The following BAZ2B variants were observed in gnomAD, a reference collection of about 807,000 sequenced individuals.
The protein encoded by BAZ2B is bromodomain adjacent to zinc finger domain protein 2B.
A neutral mutation model predicts 246.0 loss-of-function variants in BAZ2B; 91 were observed. The ratio of observed to expected loss-of-function variants is 0.37; its 90% CI spans 0.31 to 0.44. The LOEUF (loss-of-function observed/expected upper bound fraction) is 0.44, where lower values mean the gene tolerates loss of function less well. Ranked by LOEUF, BAZ2B falls within the 20% of genes least tolerant of loss-of-function variation. BAZ2B has a pLI of 1.00. For synonymous variants in BAZ2B, 855 were observed against 860.0 expected, an observed-to-expected ratio of 0.99 and a Z score of 0.10; for missense variants, 2,332 against 2,533.7, an observed-to-expected ratio of 0.92 and a Z score of 1.71.
intron 2 of BAZ2B, among the ~76,000 whole-genome samples, chr2:159,502,296 T>C (rs575969939): frequency 1.3e-5 from 2 of 150,976 alleles, no homozygotes; most frequent in South Asian, 4.2e-4. Context: ...AATGGACAAA[T>C]TGTATGATAT....
intron 13 of BAZ2B, among the ~76,000 whole-genome samples, chr2:159,427,184 T>TC (rs1367621913): frequency 6.6e-6 from 1 of 152,162 alleles, no homozygotes; most frequent in African/African-American, 2.4e-5. Flanking sequence ...CTAGGTCTCA[T>TC]CACTCCTTAA....
chr2:159,508,135 T>G (rs1474927061), intron 2 of BAZ2B, among the ~76,000 whole-genome samples: 1 of 152,228 alleles, frequency 6.6e-6, no homozygotes, highest in African/African-American at 2.4e-5. Flanking sequence ...CCTCCCAAAG[T>G]GTTGTGATCA....
chr2:159,582,362 G>A (rs897029382), intron 1 of BAZ2B, among the ~76,000 whole-genome samples: 4 of 152,172 alleles, frequency 2.6e-5, no homozygotes, highest in African/African-American at 9.7e-5. Flanking sequence ...ATATCGCTTT[G>A]TAATACAAAT....
intron 14 of BAZ2B, among the ~76,000 whole-genome samples, chr2:159,411,280 T>A (rs2066797871): frequency 6.6e-6 from 1 of 152,176 alleles, no homozygotes; most frequent in African/African-American, 2.4e-5. Context: ...CACCTTGGCA[T>A]CCCAAAGCAT....
chr2:159,515,908 A>C (rs2083392265), intron 2 of BAZ2B, among the ~76,000 whole-genome samples: 1 of 152,082 alleles, frequency 6.6e-6, no homozygotes, highest in Non-Finnish European at 1.5e-5. Context: ...GTTTATCCAA[A>C]GTCTCTGAAA....
chr2:159,508,401 G>A (rs2082558705), intron 2 of BAZ2B, among the ~76,000 whole-genome samples: 1 of 152,022 alleles, frequency 6.6e-6, no homozygotes, highest in Non-Finnish European at 1.5e-5. Flanking sequence ...TTTGTATTCG[G>A]TAAGTTATTC....
In BAZ2B at chr2:159,590,754, G is replaced by A. The variant is rs927521693; in HGVS notation, c.-46+25488C>T. Among the ~76,000 whole-genome samples the A allele has an allele frequency of 3.9e-5, 6 of 152,136 alleles. 1 individual carries two copies. The South Asian group carries it at 8.3e-4, about 21-fold the overall frequency. Reference sequence around the variant, plus strand: ...TAATTGCAAAGATGGGGGTGGGCACGGTAGAATGGAAAGAAGCAAATTTTT... The same window carrying A: ...TAATTGCAAAGATGGGGGTGGGCACAGTAGAATGGAAAGAAGCAAATTTTT... On this transcript the variant is annotated intron_variant, in intron 1 of 36. Coordinates refer to ENST00000392783, the MANE Select transcript of BAZ2B (RefSeq NM_013450.4).
At chr2:159,418,411 T>C (rs543492959) in intron 13 of BAZ2B, among the ~76,000 whole-genome samples, 2 of 152,302 alleles carry the variant, frequency 1.3e-5, no homozygotes, top group African/African-American at 2.4e-5. Flanking sequence ...CCTTATCTTA[T>C]AGACAGTAAA....
the BAZ2B span, among the ~76,000 whole-genome samples, chr2:159,644,864 C>T: frequency 6.6e-6 from 1 of 152,204 alleles, no homozygotes; most frequent in Non-Finnish European, 1.5e-5. Context: ...AGAATTTTCC[C>T]AATCTCCATC....
chr2:159,516,799 G>A (rs756677127), intron 2 of BAZ2B: 1 of 152,138 alleles, frequency 6.6e-6, no homozygotes. Context: ...ATAAAGAGAA[G>A]AGGTCTTTCT....
chr2:159,467,597 G>A (rs909623551), intron 3 of BAZ2B, among the ~76,000 whole-genome samples: 7 of 152,174 alleles, frequency 4.6e-5, no homozygotes, highest in Admixed American at 2.0e-4. Flanking sequence ...ATTTGGATTG[G>A]CTAGGCTGGG....
At chr2:159,669,146 T>C in the BAZ2B span, among the ~76,000 whole-genome samples, 1 of 152,204 alleles carries the variant, frequency 6.6e-6, no homozygotes, top group African/African-American at 2.4e-5. Flanking sequence ...TTTTGATCTG[T>C]TGTATTTTCA....
chr2:159,708,478 T>G, the BAZ2B span, among the ~76,000 whole-genome samples: 10 of 152,084 alleles, frequency 6.6e-5, no homozygotes, highest in Non-Finnish European at 1.3e-4. Context: ...GCCTGTAAGC[T>G]TAGATGTAAG....
chr2:159,688,223 G>A, the BAZ2B span, among the ~76,000 whole-genome samples: 3 of 151,802 alleles, frequency 2.0e-5, no homozygotes, highest in Non-Finnish European at 4.4e-5. Context: ...TTAATTTTTA[G>A]TAGAGATGAG....
Position 159,325,038 on chromosome 2 carries a change from AT to A in BAZ2B, c.6210-85del, listed in dbSNP as rs1341012380. On this transcript the variant is annotated intron_variant, in intron 35 of 36. Transcript: ENST00000392783. ...TTAAAAAAGCTTTCAGTTATTATAT[AT>A]ATATTATATATATATATATATTATA... The A allele has an allele frequency of 4.8e-4, 16 of 33,052 alleles. 1 individual carries two copies. The highest frequency in any genetic ancestry group is 5.9e-4 in the African/African-American group (2 of 3,406). 2.0% of individuals were successfully genotyped at this position (33,052 alleles called of 1,614,324 possible).
At chr2:159,618,306 G>A (rs1398146940), upstream of BAZ2B, among the ~76,000 whole-genome samples, 8 of 152,152 alleles carry the variant, frequency 5.3e-5, no homozygotes, top group Non-Finnish European at 1.2e-4. Flanking sequence ...ATTTAATCCT[G>A]AGTTTTCCAT....
At chr2:159,712,226 C>G in the BAZ2B span, 6 of 152,056 alleles carry the variant, frequency 3.9e-5, no homozygotes, top group African/African-American at 1.4e-4. Flanking sequence ...GGGCGGGGAC[C>G]GCCCCGGCCC....
chr2:159,448,766 T>C (rs368681235), intron 4 of BAZ2B, among the ~76,000 whole-genome samples: 11 of 152,312 alleles, frequency 7.2e-5, no homozygotes, highest in African/African-American at 2.6e-4. Flanking sequence ...TTCAAACCCT[T>C]AGAATTTAAG....
At chr2:159,650,347 C>T in the BAZ2B span, among the ~76,000 whole-genome samples, 9,638 of 151,894 alleles carry the variant, frequency 0.063, 397 homozygotes, top group Middle Eastern at 0.14. Context: ...AAATTGGAAA[C>T]GATTTAATCC....
Sources: allele counts gnomAD v4.1 joint callset (sites outside exome capture counted in the v4.1 genomes callset), GRCh38; gene constraint gnomAD v4.1.1; transcripts MANE v1.5; gene names NCBI Gene and HGNC (gene_info 2026-07-23, HGNC 2026-07-21).